Variants in DNER observed in about 807,000 individuals in gnomAD.
DNER encodes the protein delta/notch like EGF repeat containing.
In DNER, 33 loss-of-function variants were observed where a neutral mutation model predicts 78.2. The ratio of observed to expected loss-of-function variants is 0.42; its 90% CI spans 0.32 to 0.56. The LOEUF is 0.56. DNER is among the 20% of genes least tolerant of loss of function. The probability of loss-of-function intolerance (pLI) is 0.11; values close to 1 mark genes in which losing one functional copy is unlikely to be tolerated. For synonymous variants in DNER, 417 were observed against 384.8 expected, an observed-to-expected ratio of 1.08 and a Z score of -0.98; for missense variants, 918 against 975.3, an observed-to-expected ratio of 0.94 and a Z score of 0.78.
At chr2:229,419,587 C>T (rs917205266) in intron 8 of DNER, among the ~76,000 whole-genome samples, 3 of 152,128 alleles carry the variant, frequency 2.0e-5, no homozygotes, top group Admixed American at 6.5e-5. Context: ...CTCATATTTG[C>T]ATTATTAACA....
chr2:229,518,953 C>CTTTTTTT (rs11441895), intron 5 of DNER, among the ~76,000 whole-genome samples: 3 of 145,350 alleles, frequency 2.1e-5, no homozygotes, highest in Non-Finnish European at 3.0e-5. Flanking sequence ...TGCGATTACT[C>CTTTTTTT]TTTTTTTTTT....
chr2:229,554,162 T>G (rs1257626853), intron 4 of DNER, among the ~76,000 whole-genome samples: 1 of 152,216 alleles, frequency 6.6e-6, no homozygotes, highest in Non-Finnish European at 1.5e-5. Context: ...CACCCTGCAC[T>G]TAATGTCCCA....
At chr2:229,564,383 TCAC>T (rs1183870655) in intron 4 of DNER, among the ~76,000 whole-genome samples, 2 of 142,504 alleles carry the variant, frequency 1.4e-5, no homozygotes, top group Non-Finnish European at 3.0e-5. Context: ...ATCATCATCA[TCAC>T]CCCATCACCA....
intron 4 of DNER, among the ~76,000 whole-genome samples, chr2:229,557,722 T>A (rs569198994): frequency 2.9e-4 from 43 of 147,044 alleles, no homozygotes; most frequent in Middle Eastern, 7.0e-3. Context: ...AGATAGATAC[T>A]GAGGGAGACA....
chr2:229,406,330 G>A (rs964024765), intron 10 of DNER, among the ~76,000 whole-genome samples: 3 of 152,136 alleles, frequency 2.0e-5, no homozygotes, highest in South Asian at 2.1e-4. Flanking sequence ...TTGCAATCCA[G>A]AGTGACCCTT....
chr2:229,591,578 A>G lies in DNER; in HGVS notation c.585+2T>C. ...AAAATGCACATGATATAACGTTCTCACCTCCACTTGATCCCATTTCATTTC... is the reference window on the plus strand; with the variant it reads ...AAAATGCACATGATATAACGTTCTCGCCTCCACTTGATCCCATTTCATTTC... On this transcript the variant is annotated splice_donor_variant, in intron 2 of 12. Coordinates refer to ENST00000341772, the MANE Select transcript of DNER (RefSeq NM_139072.4). LOFTEE classifies it high-confidence loss of function. The surrounding 1 kb of genome is among the most constrained non-coding windows in gnomAD (Gnocchi z 4.6). 6.2e-7 allele frequency: 1 copy of G among 1,613,094 alleles called. No homozygotes were observed. The highest frequency in any genetic ancestry group is 1.3e-5 in the African/African-American group (1 of 74,994).
chr2:229,572,900 T>C (rs1697240430), intron 4 of DNER, among the ~76,000 whole-genome samples: 1 of 152,228 alleles, frequency 6.6e-6, no homozygotes, highest in African/African-American at 2.4e-5. Context: ...CTGAGTTACA[T>C]AATGAGTATA....
At chr2:229,652,788 T>C (rs1698843513) in intron 1 of DNER, among the ~76,000 whole-genome samples, 1 of 152,210 alleles carries the variant, frequency 6.6e-6, no homozygotes, top group African/African-American at 2.4e-5. Flanking sequence ...TCAGCATGCC[T>C]AAAAATAGTT....
At chr2:229,578,369 G>C (rs1697338524) in intron 4 of DNER, among the ~76,000 whole-genome samples, 1 of 152,208 alleles carries the variant, frequency 6.6e-6, no homozygotes, top group Non-Finnish European at 1.5e-5. Context: ...GCTAGGGAGT[G>C]GCAGGATCTG....
At chr2:229,645,312 A>G (rs775861764) in intron 1 of DNER, among the ~76,000 whole-genome samples, 2 of 152,176 alleles carry the variant, frequency 1.3e-5, no homozygotes, top group African/African-American at 4.8e-5. Flanking sequence ...GAAAATTTTT[A>G]AAGCATTTTG....
rs1203583656 is a variant in DNER, at chr2:229,366,766, C to T, written c.2102+107G>A. 2.4e-5 allele frequency: 37 copies of T among 1,515,884 alleles called. No homozygotes were observed. The East Asian group carries it at 7.7e-4, about 32-fold the overall frequency. 93.9% of individuals were successfully genotyped at this position (1,515,884 alleles called of 1,614,324 possible). A position where few individuals can be genotyped will look rare whatever the true frequency, so the allele number is the denominator to read the frequency against. On this transcript the variant is annotated intron_variant, in intron 12 of 12. Transcript: ENST00000341772. ...TACAATGTGGAACCTATTTTCCATT[C>T]TTTAAAATCTCCTCTTTGCAAATGG...
In DNER at chr2:229,714,212, G is replaced by A. The variant is rs1020662114; in HGVS notation, c.212C>T (p.Ala71Val). 2.9e-6 allele frequency: 4 copies of A among 1,389,396 alleles called. No individual in the cohort carries two copies. Among genetic ancestry groups the A allele is most frequent in the Non-Finnish European group, 3.7e-6 (4 of 1,074,856 alleles). 86.1% of individuals were successfully genotyped at this position (1,389,396 alleles called of 1,614,324 possible). A position where few individuals can be genotyped will look rare whatever the true frequency, so the allele number is the denominator to read the frequency against. ...GCTGTAGCCAGGCTCGCCGGCGGGG[G>A]CCGGGTGCTGCGGGTCCGGCTCAGG... Reference protein sequence around the residue: ...SRPEPDPQHPAPAGEPGYSCT... With the variant: ...SRPEPDPQHPVPAGEPGYSCT... Residue 71 changes from alanine (A) to valine (V), a missense_variant, in exon 1 of 13, where the codon GCC (alanine) becomes GTC (valine). By Grantham distance (64) the Ala-to-Val change is moderately conservative. Transcript: ENST00000341772.
At chr2:229,543,896 A>G (rs1034136604) in intron 5 of DNER, among the ~76,000 whole-genome samples, 1 of 152,110 alleles carries the variant, frequency 6.6e-6, no homozygotes, top group African/African-American at 2.4e-5. Flanking sequence ...CATCTTTCCA[A>G]TTCTTGCCCC....
intron 6 of DNER, among the ~76,000 whole-genome samples, chr2:229,480,447 T>G (rs2154211424): frequency 6.6e-6 from 1 of 152,338 alleles, no homozygotes; most frequent in Non-Finnish European, 1.5e-5. Flanking sequence ...TTTATTTATA[T>G]TTAATAATAT....
chr2:229,666,196 T>C (rs1699089707), intron 1 of DNER, among the ~76,000 whole-genome samples: 1 of 152,148 alleles, frequency 6.6e-6, no homozygotes, highest in South Asian at 2.1e-4. Context: ...CATATCCTCT[T>C]TCCTTCCATG....
At chr2:229,578,948 C>A (rs749181494) in intron 4 of DNER, among the ~76,000 whole-genome samples, 1 of 152,172 alleles carries the variant, frequency 6.6e-6, no homozygotes, top group Non-Finnish European at 1.5e-5. Context: ...ATCTTGAGCA[C>A]CTACCTTTAT....
At chr2:229,603,238 C>G (rs947966816) in intron 1 of DNER, among the ~76,000 whole-genome samples, 5 of 152,086 alleles carry the variant, frequency 3.3e-5, no homozygotes, top group Non-Finnish European at 7.4e-5. Flanking sequence ...AAGAGAATAT[C>G]TGTATAACCT....
intron 4 of DNER, among the ~76,000 whole-genome samples, chr2:229,569,990 C>G (rs779777900): frequency 3.3e-5 from 5 of 152,198 alleles, no homozygotes; most frequent in Non-Finnish European, 5.9e-5. Flanking sequence ...TCCAGGAGAT[C>G]TGTGTGATTC....
intron 5 of DNER, among the ~76,000 whole-genome samples, chr2:229,521,357 C>A (rs1188808611): frequency 6.6e-6 from 1 of 152,174 alleles, no homozygotes; most frequent in Admixed American, 6.5e-5. Context: ...CGAGAACTGA[C>A]CATCACCCCA....
Sources: allele counts gnomAD v4.1 joint callset (sites outside exome capture counted in the v4.1 genomes callset), GRCh38; gene constraint gnomAD v4.1.1; non-coding constraint Gnocchi (gnomAD v3.1); transcripts MANE v1.5; gene names NCBI Gene and HGNC (gene_info 2026-07-23, HGNC 2026-07-21).